Variants in SRPK2 observed in about 807,000 individuals in gnomAD.
The protein encoded by SRPK2 is SRSF protein kinase 2, also known as SFRS protein kinase 2.
SRPK2 carries 21 observed loss-of-function variants against 90.8 expected under a neutral mutation model. That is an observed-to-expected ratio of 0.23 (90% CI 0.16 to 0.33). The LOEUF is 0.33. Ranked by LOEUF, SRPK2 falls within the 10% of genes least tolerant of loss-of-function variation. SRPK2 has a pLI of 1.00. For missense variants in SRPK2, 620 were observed against 869.0 expected, an observed-to-expected ratio of 0.71 and a Z score of 3.60; for synonymous variants, 288 against 311.1, an observed-to-expected ratio of 0.93 and a Z score of 0.78.
chr7:105,137,958 A>C lies in SRPK2; in HGVS notation c.1543+4050T>G, dbSNP rs1410655801. The stretch of plus-strand genomic sequence containing the variant: ...CCCATGGGGGAGGCTGCTCTTGCTT[A>C]TCAAATGGCCAAGCTGCGGGCGAAA... On this transcript the variant is annotated intron_variant, in intron 11 of 15. Transcript: ENST00000393651. Among the ~76,000 whole-genome samples the C allele has an allele frequency of 2.0e-5, 3 of 152,320 alleles. No individual in the cohort carries two copies. The South Asian group carries it at 6.2e-4, about 32-fold the overall frequency.
intron 2 of SRPK2, among the ~76,000 whole-genome samples, chr7:105,376,671 G>C (rs1820338547): frequency 6.6e-6 from 1 of 151,110 alleles, no homozygotes; most frequent in Non-Finnish European, 1.5e-5. Context: ...CATAATAGCT[G>C]GGATTACAGG....
chr7:105,325,919 C>T (rs1813529292), intron 2 of SRPK2, among the ~76,000 whole-genome samples: 1 of 152,172 alleles, frequency 6.6e-6, no homozygotes, highest in Non-Finnish European at 1.5e-5. Flanking sequence ...CGACTGAAGG[C>T]TTCTTAAGTC....
intron 2 of SRPK2, among the ~76,000 whole-genome samples, chr7:105,267,175 C>T (rs1226109316): frequency 6.6e-6 from 1 of 152,070 alleles, no homozygotes; most frequent in Non-Finnish European, 1.5e-5. Flanking sequence ...TAAATAAAAT[C>T]ACTAAAATAT....
At chr7:105,312,408 C>G (rs961068078) in intron 2 of SRPK2, among the ~76,000 whole-genome samples, 1 of 111,100 alleles carries the variant, frequency 9.0e-6, no homozygotes, top group African/African-American at 3.5e-5. Flanking sequence ...CCACTGCACT[C>G]TAACCTAAGC....
intron 7 of SRPK2, among the ~76,000 whole-genome samples, chr7:105,155,812 G>A (rs148575923): frequency 5.1e-4 from 77 of 152,356 alleles, no homozygotes; most frequent in African/African-American, 1.5e-3. Context: ...GATCAAAGAT[G>A]TGGAGATAAA....
At chr7:105,156,497 T>C (rs1806512268) in intron 7 of SRPK2, among the ~76,000 whole-genome samples, 1 of 152,040 alleles carries the variant, frequency 6.6e-6, no homozygotes, top group Non-Finnish European at 1.5e-5. Flanking sequence ...AAGGTATCAT[T>C]TTTGTTTGTT....
At position 105,222,467 on chromosome 7, in the gene SRPK2, A is replaced by G. The variant is rs1798211754; in HGVS notation, c.72-18682T>C. 3.9e-5 allele frequency among the ~76,000 whole-genome samples: 6 copies of G among 152,272 alleles called. No homozygotes were observed. In the South Asian group the frequency reaches 1.2e-3, roughly 31 times the overall value. ...ATCTGAAGTAAAATTTAACCAAACA[A>G]TAACTGAAGACAATAGTCTAACAAT... On this transcript the variant is annotated intron_variant, in intron 2 of 15. Coordinates refer to ENST00000393651, the MANE Select transcript of SRPK2 (RefSeq NM_182692.3).
chr7:105,306,078 C>T (rs1811111018), intron 2 of SRPK2, among the ~76,000 whole-genome samples: 1 of 152,158 alleles, frequency 6.6e-6, no homozygotes, highest in Non-Finnish European at 1.5e-5. Context: ...GGGTGGCATG[C>T]TCTGGTCCCC....
chr7:105,248,964 T>C (rs1172725043), intron 2 of SRPK2, among the ~76,000 whole-genome samples: 1 of 151,542 alleles, frequency 6.6e-6, no homozygotes, highest in Non-Finnish European at 1.5e-5. Flanking sequence ...ACCAGGCTGG[T>C]CTAGGAGAGG....
intron 1 of SRPK2, 31 bp from the exon 2 acceptor site, chr7:105,388,733 G>A (rs1381482473): frequency 4.5e-6 from 7 of 1,559,654 alleles, no homozygotes; most frequent in South Asian, 2.3e-5. Flanking sequence ...ATTAACGGTC[G>A]GGCCGCCCGC....
In SRPK2 at chr7:105,117,015, C is replaced by T. The variant is rs182367097; in HGVS notation, c.*823G>A. 139 of 152,282 alleles carry T rather than the reference C, an allele frequency of 9.1e-4. No individual in the cohort carries two copies. The highest frequency in any genetic ancestry group is 3.2e-3 in the African/African-American group (133 of 41,546). 9.4% of individuals were successfully genotyped at this position (152,282 alleles called of 1,614,324 possible). ...GAGGCAACATGACATGGTACTGAGCCATCACATTTTTAAAGGGAAATTGCT... is the reference window on the plus strand; with the variant it reads ...GAGGCAACATGACATGGTACTGAGCTATCACATTTTTAAAGGGAAATTGCT... On this transcript the variant is annotated 3_prime_UTR_variant, in exon 16 of 16. Transcript: ENST00000393651.
intron 7 of SRPK2, among the ~76,000 whole-genome samples, chr7:105,157,063 GA>G: frequency 6.6e-6 from 1 of 152,252 alleles, no homozygotes; most frequent in African/African-American, 2.4e-5. Context: ...GAATAAACTG[GA>G]AAAGGGACCG....
chr7:105,386,667 A>G (rs957266945), intron 2 of SRPK2, among the ~76,000 whole-genome samples: 3 of 152,242 alleles, frequency 2.0e-5, no homozygotes, highest in African/African-American at 7.2e-5. Context: ...CAGTGAGCCA[A>G]GATTGGGCCA....
chr7:105,246,419 C>T (rs915548338), intron 2 of SRPK2, among the ~76,000 whole-genome samples: 6 of 152,130 alleles, frequency 3.9e-5, no homozygotes, highest in Non-Finnish European at 5.9e-5. Context: ...TTTGAGATGT[C>T]GACAGACATT....
intron 2 of SRPK2, among the ~76,000 whole-genome samples, chr7:105,240,858 T>A (rs1028232903): frequency 6.6e-6 from 1 of 152,210 alleles, no homozygotes; most frequent in African/African-American, 2.4e-5. Flanking sequence ...CTGAAATACC[T>A]ATCTGCTAAA....
chr7:105,203,059 G>A (rs1563076561), intron 3 of SRPK2, among the ~76,000 whole-genome samples: 1 of 152,188 alleles, frequency 6.6e-6, no homozygotes, highest in Admixed American at 6.5e-5. Context: ...CACGATCTCA[G>A]CTCACTGAAA....
intron 2 of SRPK2, among the ~76,000 whole-genome samples, chr7:105,269,267 CAG>C (rs1805509693): frequency 6.6e-6 from 1 of 151,824 alleles, no homozygotes; most frequent in African/African-American, 2.4e-5. Flanking sequence ...CTGTAATAAA[CAG>C]ATATGCAACC....
intron 2 of SRPK2, among the ~76,000 whole-genome samples, chr7:105,358,967 A>G (rs566533402): frequency 1.3e-5 from 2 of 151,794 alleles, no homozygotes; most frequent in African/African-American, 4.8e-5. Flanking sequence ...GTGGAGGTGG[A>G]GGTGCCTCTT....
chr7:105,389,329 C>T, upstream of SRPK2: 1 of 1,279,816 alleles, frequency 7.8e-7, no homozygotes, highest in South Asian at 1.2e-5. Context: ...CTTCCCGCGG[C>T]CTCTTCTCTC....
Sources: allele counts gnomAD v4.1 joint callset (sites outside exome capture counted in the v4.1 genomes callset), GRCh38; gene constraint gnomAD v4.1.1; transcripts MANE v1.5; gene names NCBI Gene and HGNC (gene_info 2026-07-23, HGNC 2026-07-21).